ATG10: variants seen among roughly 807,000 people sequenced by gnomAD.
The protein encoded by ATG10 is ubiquitin-like-conjugating enzyme ATG10.
In ATG10, 30 loss-of-function variants were observed where a neutral mutation model predicts 32.1. That is an observed-to-expected ratio of 0.94 (90% CI 0.70 to 1.27). The LOEUF (loss-of-function observed/expected upper bound fraction) is 1.27. Among genes scored for constraint, ATG10 ranks in the 50% most tolerant of loss-of-function variants. ATG10 has a pLI of 0.00. For missense variants in ATG10, 233 were observed against 262.3 expected, an observed-to-expected ratio of 0.89 and a Z score of 0.77; for synonymous variants, 87 against 91.5, an observed-to-expected ratio of 0.95 and a Z score of 0.28.
intron 4 of ATG10, among the ~76,000 whole-genome samples, chr5:82,165,234 C>T (rs1378069965): frequency 2.0e-5 from 3 of 152,210 alleles, no homozygotes; most frequent in Non-Finnish European, 2.9e-5. Context: ...CACCCAGGCC[C>T]AGGGACCAAG....
chr5:82,110,802 T>G (rs187543747), intron 3 of ATG10, among the ~76,000 whole-genome samples: 4 of 152,220 alleles, frequency 2.6e-5, no homozygotes, highest in Admixed American at 2.6e-4. Context: ...CTCTTTAGTT[T>G]AATTAGATCC....
chr5:82,065,350 G>A (rs941228084), intron 3 of ATG10, among the ~76,000 whole-genome samples: 12 of 151,966 alleles, frequency 7.9e-5, no homozygotes, highest in East Asian at 1.9e-4. Flanking sequence ...TTAGCTGGGC[G>A]TGGTGGCAGG....
chr5:82,171,188 A>T (rs759193747), intron 4 of ATG10, among the ~76,000 whole-genome samples: 1 of 152,198 alleles, frequency 6.6e-6, no homozygotes, highest in Non-Finnish European at 1.5e-5. Flanking sequence ...GAAGGGTATA[A>T]CATCACTTGC....
chr5:82,041,873 C>T (rs1218484090), intron 2 of ATG10, among the ~76,000 whole-genome samples: 1 of 151,854 alleles, frequency 6.6e-6, no homozygotes, highest in Non-Finnish European at 1.5e-5. Context: ...TTCTGCAGTC[C>T]CTAATCTCCT....
intron 1 of ATG10, among the ~76,000 whole-genome samples, chr5:81,985,467 A>C (rs1413128068): frequency 6.6e-6 from 1 of 152,152 alleles, no homozygotes; most frequent in Non-Finnish European, 1.5e-5. Context: ...GCACACCTCA[A>C]AATGCCTGCT....
chr5:82,091,284 G>T (rs1381731079), intron 3 of ATG10, among the ~76,000 whole-genome samples: 1 of 152,012 alleles, frequency 6.6e-6, no homozygotes, highest in East Asian at 1.9e-4. Context: ...TGTCCAGGCT[G>T]GACTCCAATT....
At chr5:81,989,931 C>G (rs1458464473) in intron 2 of ATG10, among the ~76,000 whole-genome samples, 4 of 152,088 alleles carry the variant, frequency 2.6e-5, no homozygotes, top group African/African-American at 9.7e-5. Context: ...ATGATTATTG[C>G]TGAGTTGAAA....
rs1274143873 is a variant in ATG10 at position 82,208,381 on chromosome 5, A to G, written c.453+29794A>G. On this transcript the variant is annotated intron_variant, in intron 5 of 7. Transcript: ENST00000282185. ...TTATAATAAGTTGGATCTAGAGGTC[A>G]ATTCGAGGAGAGTGGTCATTTTTAC... Among the ~76,000 whole-genome samples the G allele has an allele frequency of 2.6e-5, 4 of 152,320 alleles. No individual in the cohort carries two copies. The South Asian group carries it at 6.2e-4, about 24-fold the overall frequency.
At chr5:82,104,820 A>G (rs937793752) in intron 3 of ATG10, among the ~76,000 whole-genome samples, 1 of 152,174 alleles carries the variant, frequency 6.6e-6, no homozygotes, top group Non-Finnish European at 1.5e-5. Flanking sequence ...ATTGTCATAT[A>G]CAAGGTCTTT....
At chr5:82,090,889 G>A (rs1487752842) in intron 3 of ATG10, among the ~76,000 whole-genome samples, 1 of 152,144 alleles carries the variant, frequency 6.6e-6, no homozygotes, top group Admixed American at 6.6e-5. Flanking sequence ...TGATTTTAAA[G>A]CTGATAACTA....
chr5:82,008,822 A>C (rs866906772), intron 2 of ATG10, among the ~76,000 whole-genome samples: 1 of 152,182 alleles, frequency 6.6e-6, no homozygotes, highest in African/African-American at 2.4e-5. Context: ...TCTATATCTA[A>C]TCTGACTTAT....
chr5:82,029,592 C>T (rs939619779), intron 2 of ATG10, among the ~76,000 whole-genome samples: 2 of 152,090 alleles, frequency 1.3e-5, no homozygotes, highest in East Asian at 3.9e-4. Context: ...TTATGACTTA[C>T]TGATGTGGGG....
At position 81,995,127 on chromosome 5, in the gene ATG10, T is replaced by A. The variant is rs113882722; in HGVS notation, c.108+7449T>A. On this transcript the variant is annotated intron_variant, in intron 2 of 7. Transcript: ENST00000282185. ...TTTTCAGAAATTTCATGTGTGTGTA[T>A]GTGTGTGTGTGTGTGTGTTTTGAGA... Among the ~76,000 whole-genome samples, 833 of 141,346 alleles carry A rather than the reference T, an allele frequency of 5.9e-3. 2 individuals are homozygous for A. The highest frequency in any genetic ancestry group is 9.9e-3 in the Non-Finnish European group (637 of 64,286). 92.7% of individuals were successfully genotyped at this position (141,346 alleles called of 152,430 possible).
At chr5:82,144,317 A>G (rs1237579507) in intron 3 of ATG10, among the ~76,000 whole-genome samples, 1 of 150,844 alleles carries the variant, frequency 6.6e-6, no homozygotes, top group East Asian at 1.9e-4. Context: ...TCTGTTTTCT[A>G]TTTTGTTGAT....
chr5:82,126,004 G>A (rs1766262064), intron 3 of ATG10, among the ~76,000 whole-genome samples: 1 of 149,516 alleles, frequency 6.7e-6, no homozygotes. Context: ...TCCTTTGTAA[G>A]TTGTATTCCT....
intron 2 of ATG10, among the ~76,000 whole-genome samples, chr5:81,993,905 T>C (rs1243499630): frequency 1.3e-5 from 2 of 152,238 alleles, no homozygotes; most frequent in African/African-American, 2.4e-5. Flanking sequence ...GTATATTGTC[T>C]GAGTTTCTCT....
At chr5:82,242,846 T>G in intron 5 of ATG10, 1 of 451,658 alleles carries the variant, frequency 2.2e-6, no homozygotes, top group Non-Finnish European at 4.4e-6. Context: ...ACAAAGAATA[T>G]TATCCCAGAA....
At chr5:82,082,490 G>A (rs1427625352) in intron 3 of ATG10, among the ~76,000 whole-genome samples, 1 of 152,186 alleles carries the variant, frequency 6.6e-6, no homozygotes, top group Non-Finnish European at 1.5e-5. Flanking sequence ...TGTCTCATGG[G>A]CAGCTTCATT....
chr5:82,142,090 A>T (rs1270325682), intron 3 of ATG10, among the ~76,000 whole-genome samples: 1 of 152,236 alleles, frequency 6.6e-6, no homozygotes, highest in African/African-American at 2.4e-5. Flanking sequence ...TTAGACACAG[A>T]TGAAGCAGTG....
Sources: allele counts gnomAD v4.1 joint callset (sites outside exome capture counted in the v4.1 genomes callset), GRCh38; gene constraint gnomAD v4.1.1; transcripts MANE v1.5; gene names NCBI Gene and HGNC (gene_info 2026-07-23, HGNC 2026-07-21).